The following ST13 variants were observed in gnomAD, a reference collection of about 807,000 sequenced individuals.
ST13 encodes the protein hsc70-interacting protein.
ST13 carries 23 observed loss-of-function variants against 56.7 expected under a neutral mutation model. That is an observed-to-expected ratio of 0.41 (90% CI 0.29 to 0.57). The LOEUF (loss-of-function observed/expected upper bound fraction) is 0.57, where lower values mean the gene tolerates loss of function less well. Among genes scored for constraint, ST13 ranks in the 20% least tolerant of loss-of-function variants. The pLI is 0.36. For missense variants in ST13, 369 were observed against 459.9 expected (o/e 0.80, Z 1.81); for synonymous variants, 132 against 142.4 (o/e 0.93, Z 0.52).
intron 5 of ST13, among the ~76,000 whole-genome samples, chr22:40,840,262 T>C (rs146450246): frequency 3.9e-5 from 6 of 152,260 alleles, no homozygotes; most frequent in Non-Finnish European, 8.8e-5. Context: ...AGGACGAAGA[T>C]TGGTATGCCT....
chr22:40,843,058 C>T (rs1487652873), intron 4 of ST13, among the ~76,000 whole-genome samples: 1 of 152,184 alleles, frequency 6.6e-6, no homozygotes, highest in South Asian at 2.1e-4. Context: ...GCGTCAAGGG[C>T]GCAGTGAGCT....
At chr22:40,854,461 C>A (rs1249714192) in intron 1 of ST13, 1 of 152,176 alleles carries the variant, frequency 6.6e-6, no homozygotes, top group Non-Finnish European at 1.5e-5. Context: ...CTGGAATTAC[C>A]TATGTTAAAA....
chr22:40,834,344 T>C (rs560699719), intron 7 of ST13, among the ~76,000 whole-genome samples: 1 of 152,158 alleles, frequency 6.6e-6, no homozygotes, highest in African/African-American at 2.4e-5. Context: ...TTACTTAGAG[T>C]GTATACTGTT....
At chr22:40,853,867 G>A (rs114278046) in intron 1 of ST13, among the ~76,000 whole-genome samples, 1,862 of 152,158 alleles carry the variant, frequency 0.012, 36 homozygotes, top group African/African-American at 0.042. Context: ...ATTGTTAAAC[G>A]GGAGAAAATA....
At chr22:40,839,052 G>T (rs2057790486) in intron 5 of ST13, among the ~76,000 whole-genome samples, 1 of 152,044 alleles carries the variant, frequency 6.6e-6, no homozygotes. Flanking sequence ...TTAATCACAG[G>T]TTACAAGCAA....
At chr22:40,850,949 A>C in intron 1 of ST13, 69 bp from the exon 2 acceptor site, 1 of 1,137,660 alleles carries the variant, frequency 8.8e-7, no homozygotes, top group Non-Finnish European at 1.3e-6. Context: ...ACGTATTTAC[A>C]CCTAAAAAAT....
chr22:40,852,236 T>C (rs192133430), intron 1 of ST13, among the ~76,000 whole-genome samples: 9 of 152,368 alleles, frequency 5.9e-5, no homozygotes, highest in Middle Eastern at 3.4e-3. Context: ...TGCTTAGCTA[T>C]TGTCCATCTT....
chr22:40,843,536 G>C (rs368923200), intron 4 of ST13, among the ~76,000 whole-genome samples: 4 of 152,012 alleles, frequency 2.6e-5, no homozygotes, highest in Non-Finnish European at 5.9e-5. Flanking sequence ...TGGTGGGACC[G>C]GTAGATTAAA....
chr22:40,845,018 A>G, intron 3 of ST13, 109 bp from the exon 4 acceptor site: 1 of 705,226 alleles, frequency 1.4e-6, no homozygotes, highest in Non-Finnish European at 2.3e-6. Flanking sequence ...AATTATTTTA[A>G]GTATTGATGC....
At position 40,850,511 on chromosome 22, in the gene ST13, C is replaced by T. The variant is rs536153974; in HGVS notation, c.168+312G>A. On this transcript the variant is annotated intron_variant, in intron 2 of 11. Transcript: ENST00000216218. The stretch of plus-strand genomic sequence containing the variant: ...TAAAGTACCTACAATGCATATGACA[C>T]ACTGTAAGGCAATGATGAAGACTAC... 2.0e-5 allele frequency among the ~76,000 whole-genome samples: 3 copies of T among 152,292 alleles called. No homozygotes were observed. In the East Asian group the frequency reaches 5.8e-4, roughly 29 times the overall value.
rs137931485 is a variant in ST13 at position 40,826,539 on chromosome 22, T to G, written c.1109A>C (p.Ter370SerextTer6). The G allele has an allele frequency of 2.2e-4, 344 of 1,597,814 alleles. No individual in the cohort carries two copies. The African/African-American group carries it at 4.4e-3, about 20-fold the overall frequency. Residue 370 changes from the stop codon to serine, a stop_lost, in exon 12 of 12, where the codon TAA (stop) becomes TCA (serine). Transcript: ENST00000216218. ...KLSAKFGGQA[*>S] ...AGGGCTTTATTTATCAGAAGGACAT[T>G]ACGCTTGACCTCCAAATTTGGCTGA...
chr22:40,841,525 C>T (rs141543506), intron 4 of ST13, among the ~76,000 whole-genome samples: 19 of 152,088 alleles, frequency 1.2e-4, no homozygotes, highest in African/African-American at 4.6e-4. Flanking sequence ...CCCTTGAGCC[C>T]AGGAGTTCAA....
intron 2 of ST13, among the ~76,000 whole-genome samples, chr22:40,850,088 T>C (rs1360492292): frequency 6.6e-6 from 1 of 151,876 alleles, no homozygotes; most frequent in Non-Finnish European, 1.5e-5. Context: ...CGAAACCCCA[T>C]TTCTACTAAA....
At chr22:40,849,603 G>A (rs1471994381) in intron 2 of ST13, among the ~76,000 whole-genome samples, 2 of 151,130 alleles carry the variant, frequency 1.3e-5, no homozygotes, top group Admixed American at 6.6e-5. Context: ...GAAAAGACAA[G>A]CCATAATTCT....
rs189944035 is a variant in ST13, at chr22:40,847,100, G to T, written c.244+1194C>A. On this transcript the variant is annotated intron_variant, in intron 3 of 11. Coordinates refer to ENST00000216218, the MANE Select transcript of ST13 (RefSeq NM_003932.5). ...TGATATAAGAGACTTCCAAATTCATGAAGAAATTTAGTCAATTTGTGGCCA... is the reference window on the plus strand; with the variant it reads ...TGATATAAGAGACTTCCAAATTCATTAAGAAATTTAGTCAATTTGTGGCCA... 1.1e-3 allele frequency among the ~76,000 whole-genome samples: 165 copies of T among 152,260 alleles called. 3 individuals carry two copies. Among genetic ancestry groups the T allele is most frequent in the Non-Finnish European group, 4.4e-5 (3 of 68,026 alleles).
At chr22:40,836,371 G>A (rs1175095907) in intron 5 of ST13, among the ~76,000 whole-genome samples, 3 of 151,950 alleles carry the variant, frequency 2.0e-5, no homozygotes, top group African/African-American at 7.3e-5. Flanking sequence ...CGCGAACCCG[G>A]GAGGCGGAGC....
At chr22:40,830,217 C>T (rs1035181807) in intron 9 of ST13, among the ~76,000 whole-genome samples, 4 of 152,018 alleles carry the variant, frequency 2.6e-5, no homozygotes, top group African/African-American at 9.7e-5. Flanking sequence ...TAAACTATAA[C>T]CTTAAAATCA....
chr22:40,839,953 A>G (rs2057795105), intron 5 of ST13, among the ~76,000 whole-genome samples: 1 of 151,948 alleles, frequency 6.6e-6, no homozygotes, highest in Non-Finnish European at 1.5e-5. Context: ...GTTCAAGACC[A>G]GACTGGCCAG....
At chr22:40,842,446 C>G (rs1352593170) in intron 4 of ST13, among the ~76,000 whole-genome samples, 1 of 152,138 alleles carries the variant, frequency 6.6e-6, no homozygotes, top group Non-Finnish European at 1.5e-5. Flanking sequence ...GAGCAAAAGA[C>G]TTACAAATAA....
Sources: gnomAD v4.1 joint callset for allele counts (sites outside exome capture counted in the v4.1 genomes callset) on GRCh38, gnomAD v4.1.1 for gene constraint, MANE v1.5 for transcripts, NCBI Gene and HGNC (gene_info 2026-07-23, HGNC 2026-07-21) for gene names.